Variants in RSRC2 observed in about 807,000 individuals in gnomAD.
RSRC2 encodes the protein arginine/serine-rich coiled-coil protein 2.
In RSRC2, 5 loss-of-function variants were observed where a neutral mutation model predicts 61.3. That is an observed-to-expected ratio of 0.08 (90% CI 0.04 to 0.17). RSRC2 has a LOEUF of 0.17. Ranked by LOEUF, RSRC2 falls within the 10% of genes least tolerant of loss-of-function variation. The probability of loss-of-function intolerance (pLI) is 1.00; values close to 1 mark genes in which losing one functional copy is unlikely to be tolerated. For missense variants in RSRC2, 381 were observed against 518.8 expected (o/e 0.73, Z 2.58); for synonymous variants, 202 against 166.5 (o/e 1.21, Z -1.64).
At chr12:122,507,670 T>C (rs2137420047) in intron 8 of RSRC2, among the ~76,000 whole-genome samples, 1 of 152,004 alleles carries the variant, frequency 6.6e-6, no homozygotes, top group South Asian at 2.1e-4. Context: ...TAGCTTATTA[T>C]AAGTTTTTTG....
In RSRC2 at chr12:122,514,266, G is replaced by GTTTTT. The variant is rs140608487; in HGVS notation, c.725+838_725+839insAAAAA. 1.5e-5 allele frequency among the ~76,000 whole-genome samples: 2 copies of GTTTTT among 137,286 alleles called. 1 individual carries two copies. The allele number at this position is 137,286 out of a possible 152,430, so 90.1% of individuals were successfully genotyped here. ...AATTTATTTTTGTGTGTGTGTGTGTGTGTGTTTTTTTTTTTTGAGACTGAG... is the reference window on the plus strand; with the variant it reads ...AATTTATTTTTGTGTGTGTGTGTGTGTTTTTTGTGTTTTTTTTTTTTGAGACTGAG... On this transcript the variant is annotated intron_variant, in intron 6 of 9. Coordinates refer to ENST00000331738, the MANE Select transcript of RSRC2 (RefSeq NM_023012.6).
At position 122,521,420 on chromosome 12, in the gene RSRC2, C is replaced by T; in HGVS notation, c.172G>A (p.Gly58Arg). Residue 58 changes from glycine (G) to arginine (R), a missense_variant, in exon 3 of 10, where the codon GGA becomes AGA. By Grantham distance (125) the Gly-to-Arg change is moderately radical. Coordinates refer to ENST00000331738, the MANE Select transcript of RSRC2 (RefSeq NM_023012.6). ...RERKRKSDNE[G>R]RKHRSRSRSK... Reference sequence around the variant, plus strand: ...CTGCTCCGGCTCCTGTGTTTTCTTCCTTCATTATCTGTGAATACACAAAAA... The same window carrying T: ...CTGCTCCGGCTCCTGTGTTTTCTTCTTTCATTATCTGTGAATACACAAAAA... 1 of 1,612,390 alleles carries T rather than the reference C, an allele frequency of 6.2e-7. No individual in the cohort carries two copies. Among genetic ancestry groups the T allele is most frequent in the Non-Finnish European group, 8.5e-7 (1 of 1,178,882 alleles).
chr12:122,524,195 AAAT>A (rs1286318919), intron 1 of RSRC2, among the ~76,000 whole-genome samples: 3 of 152,210 alleles, frequency 2.0e-5, no homozygotes, highest in Admixed American at 1.3e-4. Context: ...TACTACTAAT[AAAT>A]AATGCTGTAT....
At chr12:122,511,804 A>G (rs1377047606) in intron 6 of RSRC2, among the ~76,000 whole-genome samples, 1 of 130,082 alleles carries the variant, frequency 7.7e-6, no homozygotes, top group Non-Finnish European at 1.7e-5. Context: ...AATTCATCCC[A>G]AAACAAAAAT....
At chr12:122,517,725 T>G (rs1396452072) in intron 4 of RSRC2, among the ~76,000 whole-genome samples, 1 of 152,156 alleles carries the variant, frequency 6.6e-6, no homozygotes, top group African/African-American at 2.4e-5. Flanking sequence ...GTTACAAATC[T>G]TAATACTTTA....
At position 122,505,662 on chromosome 12, in the gene RSRC2, G is replaced by A. The variant is rs143782462; in HGVS notation, c.1170C>T (p.Tyr390=). 3.1e-6 allele frequency: 5 copies of A among 1,613,868 alleles called. No homozygotes were observed. In the African/African-American group the frequency reaches 4.0e-5, roughly 13 times the overall value. The part of the protein sequence containing the change: ...AGCSSVDEES[Y]KTLKQQEEVF... ...CTTCTTCCTGCTGCTTCAGAGTCTT[G>A]TAACTTTCTTCATCAACTGAGCTAC... The change falls in exon 10 of 10, where the codon TAC becomes TAT. Residue 390 remains tyrosine (Y), a synonymous_variant. Transcript: ENST00000331738.
intron 6 of RSRC2, among the ~76,000 whole-genome samples, chr12:122,512,025 C>T (rs897536362): frequency 1.2e-4 from 18 of 152,152 alleles, no homozygotes; most frequent in African/African-American, 4.1e-4. Context: ...TCAGCCTGGT[C>T]TCAAACTCCT....
At chr12:122,507,896 G>A in intron 8 of RSRC2, 1 of 382,420 alleles carries the variant, frequency 2.6e-6, no homozygotes, top group South Asian at 2.2e-5. Flanking sequence ...TGCATCCCAG[G>A]CTCAAGCGAT....
intron 5 of RSRC2, 126 bp downstream of exon 5, chr12:122,517,101 T>A: frequency 1.4e-6 from 2 of 1,380,274 alleles, no homozygotes; most frequent in South Asian, 2.7e-5. Flanking sequence ...AGGTAATGAC[T>A]AAAATAATTT....
chr12:122,513,943 G>A (rs1019947670), intron 6 of RSRC2: 4 of 255,234 alleles, frequency 1.6e-5, no homozygotes, highest in African/African-American at 9.3e-5. Context: ...GAGGTGGGAG[G>A]ATTGCTTGGG....
rs1958067136 is a variant in RSRC2 at position 122,505,699 on chromosome 12, T to C, written c.1133A>G (p.Asp378Gly). Reference protein sequence around the residue: ...FRKLMGIKSEDEAGCSSVDEE... With the variant: ...FRKLMGIKSEGEAGCSSVDEE... ...ATCAACTGAGCTACATCCAGCTTCATCTTCACTCTAAAAATCAGACATAAA... is the reference window on the plus strand; with the variant it reads ...ATCAACTGAGCTACATCCAGCTTCACCTTCACTCTAAAAATCAGACATAAA... Residue 378 changes from aspartate (D) to glycine (G), a missense_variant, in exon 10 of 10, where the codon GAT becomes GGT. By Grantham distance (94) the Asp-to-Gly change is moderately conservative. This residue lies in a region of RSRC2 where 78 missense variants were observed against 183.0 expected (regional missense o/e 0.43). Transcript: ENST00000331738. 1.9e-6 allele frequency: 3 copies of C among 1,612,942 alleles called. No homozygotes were observed. In the East Asian group the frequency reaches 6.7e-5, roughly 36 times the overall value.
At chr12:122,521,269 C>T (rs1959200455) in intron 3 of RSRC2, 116 bp downstream of exon 3, 3 of 679,534 alleles carry the variant, frequency 4.4e-6, no homozygotes, top group Non-Finnish European at 7.5e-6. Context: ...CCCAATAAAC[C>T]TTTTAAATTT....
At chr12:122,512,725 T>C (rs568244392) in intron 6 of RSRC2, among the ~76,000 whole-genome samples, 6 of 111,484 alleles carry the variant, frequency 5.4e-5, no homozygotes, top group African/African-American at 1.7e-4. Context: ...AGACTTCATC[T>C]CAAAAAAAAA....
At chr12:122,509,904 T>A (rs1371834809) in intron 7 of RSRC2, among the ~76,000 whole-genome samples, 1 of 152,200 alleles carries the variant, frequency 6.6e-6, no homozygotes, top group African/African-American at 2.4e-5. Flanking sequence ...AATGGCGTGA[T>A]GTTGGCTCAC....
chr12:122,503,502 A>G lies in RSRC2; in HGVS notation c.*2025T>C, dbSNP rs909490140. 1.3e-5 allele frequency: 2 copies of G among 152,250 alleles called. No individual in the cohort carries two copies. The highest frequency in any genetic ancestry group is 2.9e-5 in the Non-Finnish European group (2 of 68,046). 9.4% of individuals were successfully genotyped at this position (152,250 alleles called of 1,614,324 possible). A position where few individuals can be genotyped will look rare whatever the true frequency, so the allele number is the denominator to read the frequency against. The stretch of plus-strand genomic sequence containing the variant: ...GGACAGTGCTGCTCTAGATGAGCAA[A>G]GTACAGGCTGTATCACTCATCATGT... On this transcript the variant is annotated 3_prime_UTR_variant, in exon 10 of 10. Transcript: ENST00000331738.
chr12:122,524,112 G>C (rs779764354), intron 1 of RSRC2, among the ~76,000 whole-genome samples: 1 of 152,106 alleles, frequency 6.6e-6, no homozygotes, highest in African/African-American at 2.4e-5. Context: ...CAACTTTCTC[G>C]TTTCACAGAT....
intron 2 of RSRC2, among the ~76,000 whole-genome samples, chr12:122,521,734 G>T (rs1959225795): frequency 6.6e-6 from 1 of 152,154 alleles, no homozygotes; most frequent in Non-Finnish European, 1.5e-5. Context: ...TCATAAGGGG[G>T]TTTAATAGAG....
chr12:122,517,691 C>G (rs1421216087), intron 4 of RSRC2, among the ~76,000 whole-genome samples: 1 of 152,066 alleles, frequency 6.6e-6, no homozygotes, highest in Non-Finnish European at 1.5e-5. Context: ...ATTTAAGCTT[C>G]CGTTTAATAC....
rs913771013 is a variant in RSRC2, at chr12:122,504,249, T to G, written c.*1278A>C. On this transcript the variant is annotated 3_prime_UTR_variant, in exon 10 of 10. Transcript: ENST00000331738. ...TCAAAGGAAAGCCAAACCTTATTAC[T>G]TTGCTGTAACTGAAGTAAATTAACT... The G allele has an allele frequency of 6.6e-6, 1 of 152,212 alleles. No individual in the cohort carries two copies. Among genetic ancestry groups the G allele is most frequent in the African/African-American group, 2.4e-5 (1 of 41,430 alleles). 9.4% of individuals were successfully genotyped at this position (152,212 alleles called of 1,614,324 possible).
Sources: gnomAD v4.1 joint callset for allele counts (sites outside exome capture counted in the v4.1 genomes callset) on GRCh38, gnomAD v4.1.1 for gene constraint, gnomAD v4.1.1 regional missense constraint, MANE v1.5 for transcripts, NCBI Gene and HGNC (gene_info 2026-07-23, HGNC 2026-07-21) for gene names.